The following UPB1 variants were observed in gnomAD, a reference collection of about 807,000 sequenced individuals.
The protein encoded by UPB1 is beta-ureidopropionase.
UPB1 carries 40 observed loss-of-function variants against 49.1 expected under a neutral mutation model. The observed-to-expected ratio is 0.81, with a 90% CI of 0.63 to 1.06. The LOEUF is 1.06. UPB1 is among the 50% of genes least tolerant of loss of function. The probability of loss-of-function intolerance (pLI) is 0.00; values close to 1 mark genes in which losing one functional copy is unlikely to be tolerated. For missense variants in UPB1, 499 were observed against 505.9 expected (o/e 0.99, Z 0.13); for synonymous variants, 207 against 198.2 (o/e 1.04, Z -0.38).
At chr22:24,505,218 C>T (rs8142051) in intron 3 of UPB1, among the ~76,000 whole-genome samples, 9,246 of 152,190 alleles carry the variant, frequency 0.061, 721 homozygotes, top group African/African-American at 0.17. Flanking sequence ...TCTTCTCTTA[C>T]CTCTAAGGAT....
chr22:24,502,044 T>G, intron 2 of UPB1, 82 bp from the exon 3 acceptor site: 20 of 1,446,744 alleles, frequency 1.4e-5, no homozygotes, highest in Non-Finnish European at 1.8e-5. Context: ...GGCATTGATT[T>G]TTCCATATGC....
chr22:24,518,012 A>T (rs1422094028), intron 6 of UPB1: 1 of 152,236 alleles, frequency 6.6e-6, no homozygotes, highest in African/African-American at 2.4e-5. Context: ...TAAAAATACA[A>T]AAATTAGCCG....
intron 2 of UPB1, among the ~76,000 whole-genome samples, chr22:24,501,365 G>T (rs959879999): frequency 2.0e-5 from 3 of 152,190 alleles, no homozygotes; most frequent in Non-Finnish European, 4.4e-5. Flanking sequence ...TGGGAGCCAG[G>T]CATTGTGCCA....
chr22:24,502,329 A>G (rs769158680), intron 3 of UPB1, 116 bp downstream of exon 3: 14 of 1,196,948 alleles, frequency 1.2e-5, no homozygotes, highest in Middle Eastern at 1.9e-4. Flanking sequence ...TTCCTCATCC[A>G]TGGAAAGTTC....
At position 24,523,707 on chromosome 22, in the gene UPB1, T is replaced by G. The variant is rs141597175; in HGVS notation, c.1005T>G (p.Asp335Glu). 2 of 1,614,276 alleles carry G rather than the reference T, an allele frequency of 1.2e-6. No individual in the cohort carries two copies. Among genetic ancestry groups the G allele is most frequent in the East Asian group, 2.2e-5 (1 of 44,888 alleles). ...SRTPGLSRSR[D>E]GLLVAKLDLN... The stretch of plus-strand genomic sequence containing the variant: ...CTCCTGGGCTGTCCCGTAGCCGGGA[T>G]GGACTGCTAGTTGCTAAGCTCGACC... The change falls in exon 9 of 10, where the codon GAT (aspartate) becomes GAG (glutamate). Residue 335 changes from aspartate to glutamate, a missense_variant. By Grantham distance (45) the Asp-to-Glu change is conservative (BLOSUM62 2). Coordinates refer to ENST00000326010, the MANE Select transcript of UPB1 (RefSeq NM_016327.3).
At chr22:24,497,528 G>A (rs1169688105) in intron 1 of UPB1, among the ~76,000 whole-genome samples, 1 of 152,182 alleles carries the variant, frequency 6.6e-6, no homozygotes, top group African/African-American at 2.4e-5. Context: ...TGGGAGAGGT[G>A]GGGGCCCTGA....
At chr22:24,520,940 T>C (rs1017013323) in intron 7 of UPB1, among the ~76,000 whole-genome samples, 8 of 152,088 alleles carry the variant, frequency 5.3e-5, no homozygotes, top group South Asian at 2.1e-4. Context: ...CCTAACACTT[T>C]GGGAATCCGA....
At position 24,526,390 on chromosome 22, in the gene UPB1, G is replaced by C. The variant is rs2044481757; in HGVS notation, c.*596G>C. 5.8e-6 allele frequency: 1 copy of C among 172,572 alleles called. No individual in the cohort carries two copies. The highest frequency in any genetic ancestry group is 1.3e-4 in the South Asian group (1 of 7,928). The allele number at this position is 172,572 out of a possible 1,614,324, so 10.7% of individuals were successfully genotyped here. On this transcript the variant is annotated 3_prime_UTR_variant, in exon 10 of 10. Coordinates refer to ENST00000326010, the MANE Select transcript of UPB1 (RefSeq NM_016327.3). ...AATCTGGGTCAGCCTGACCTGATTA[G>C]TCAGAAGGCCTAAAGAACAGAGCTA...
At chr22:24,525,685 A>C (rs761407243) in intron 9 of UPB1, 26 bp from the exon 10 acceptor site, 3 of 1,613,938 alleles carry the variant, frequency 1.9e-6, no homozygotes, top group Non-Finnish European at 2.5e-6. Context: ...CAGAACCTCT[A>C]AAGTACATCT....
intron 2 of UPB1, 83 bp downstream of exon 2, chr22:24,500,361 G>T (rs887909892): frequency 1.9e-6 from 3 of 1,583,290 alleles, no homozygotes; most frequent in Non-Finnish European, 2.6e-6. Context: ...CTGGCTGGCC[G>T]CATACTCCGG....
At chr22:24,501,705 CACAGGATAA>C (rs1360996323) in intron 2 of UPB1, among the ~76,000 whole-genome samples, 4 of 152,222 alleles carry the variant, frequency 2.6e-5, no homozygotes, top group African/African-American at 4.8e-5. Flanking sequence ...ATAAGATGCA[CACAGGATAA>C]GTAGGATAAG....
intron 4 of UPB1, among the ~76,000 whole-genome samples, chr22:24,511,726 G>T (rs2044209177): frequency 6.7e-6 from 1 of 150,138 alleles, no homozygotes; most frequent in Non-Finnish European, 1.5e-5. Context: ...CCATTCTCCT[G>T]CCTCAGCCTC....
chr22:24,502,572 G>GCC, intron 3 of UPB1: 1 of 769,804 alleles, frequency 1.3e-6, no homozygotes, highest in Non-Finnish European at 2.4e-6. Context: ...CCCAGAGCCA[G>GCC]CCCCCCCATC....
At position 24,525,715 on chromosome 22, in the gene UPB1, C is replaced by T. The variant is rs369879221; in HGVS notation, c.1076C>T (p.Thr359Met). The part of the protein sequence containing the change: ...QVNDVWNFKM[T>M]GRYEMYAREL... ...ACATCTGTGTTTTGCTTTCAGATGA[C>T]GGGCAGGTATGAGATGTACGCACGG... is the stretch of plus-strand genomic sequence containing the variant. Residue 359 changes from threonine (T) to methionine (M), a missense_variant, in exon 10 of 10, where the codon ACG (threonine) becomes ATG (methionine). Transcript: ENST00000326010. 57 of 1,614,128 alleles carry T rather than the reference C, an allele frequency of 3.5e-5. No homozygotes were observed. The Admixed American group carries it at 5.5e-4, about 16-fold the overall frequency.
chr22:24,502,158 C>T lies in UPB1; in HGVS notation c.309C>T (p.Ile103=), dbSNP rs778793828. 20 of 1,614,152 alleles carry T rather than the reference C, an allele frequency of 1.2e-5. No individual in the cohort carries two copies. Among genetic ancestry groups the T allele is most frequent in the Middle Eastern group, 1.6e-4 (1 of 6,062 alleles). Residue 103 remains isoleucine (I), a synonymous_variant, in exon 3 of 10, where the codon ATC becomes ATT. Coordinates refer to ENST00000326010, the MANE Select transcript of UPB1 (RefSeq NM_016327.3). The stretch of plus-strand genomic sequence containing the variant: ...CCCTTCATAGACGCATAAAGGCTAT[C>T]GTAGAGGTGGCTGCAATGTGTGGAG... ...VSALHRRIKA[I]VEVAAMCGVN... is the part of the protein sequence containing the mutation.
intron 3 of UPB1, 70 bp from the exon 4 acceptor site, chr22:24,510,679 G>A: frequency 6.6e-7 from 1 of 1,511,876 alleles, no homozygotes; most frequent in Non-Finnish European, 9.2e-7. Flanking sequence ...ACTTCCCGCT[G>A]CTGGGCTGAG....
At position 24,526,299 on chromosome 22, in the gene UPB1, A is replaced by G. The variant is rs769797838; in HGVS notation, c.*505A>G. The G allele has an allele frequency of 1.8e-5, 4 of 219,694 alleles. No individual in the cohort carries two copies. Among genetic ancestry groups the G allele is most frequent in the Non-Finnish European group, 2.8e-5 (3 of 107,132 alleles). The allele number at this position is 219,694 out of a possible 1,614,324, so 13.6% of individuals were successfully genotyped here. On this transcript the variant is annotated 3_prime_UTR_variant, in exon 10 of 10. Coordinates refer to ENST00000326010, the MANE Select transcript of UPB1 (RefSeq NM_016327.3). ...AGACACTAATCTAGGTATTTCTGTG[A>G]AGGTATTTTGTAGATGTGACAGAAG...
chr22:24,512,777 A>G (rs189411341), intron 4 of UPB1, among the ~76,000 whole-genome samples: 1 of 152,316 alleles, frequency 6.6e-6, no homozygotes, highest in East Asian at 1.9e-4. Flanking sequence ...CACAAGTGGA[A>G]TCATACAGTA....
chr22:24,505,470 A>G (rs908208433), intron 3 of UPB1, among the ~76,000 whole-genome samples: 21 of 152,174 alleles, frequency 1.4e-4, no homozygotes, highest in African/African-American at 5.1e-4. Context: ...GAGTCCCCAG[A>G]GATTTTTCTG....
Sources: gnomAD v4.1 joint callset for allele counts (sites outside exome capture counted in the v4.1 genomes callset) on GRCh38, gnomAD v4.1.1 for gene constraint, MANE v1.5 for transcripts, NCBI Gene and HGNC (gene_info 2026-07-23, HGNC 2026-07-21) for gene names.